Variants in TRPV3 observed in about 807,000 individuals in gnomAD.
TRPV3 encodes transient receptor potential cation channel subfamily V member 3.
Under a neutral mutation model 87.1 loss-of-function variants are expected in TRPV3, and 88 were observed. That is an observed-to-expected ratio of 1.01 (90% CI 0.85 to 1.21). The LOEUF is 1.21. TRPV3 is among the 50% of genes most tolerant of loss of function. The probability of loss-of-function intolerance (pLI) is 0.00; values close to 1 mark genes in which losing one functional copy is unlikely to be tolerated. For synonymous variants in TRPV3, 438 were observed against 423.3 expected (o/e 1.03, Z -0.43); for missense variants, 1,054 against 1,030.1 (o/e 1.02, Z -0.32).
rs548069319 is a variant in TRPV3, at chr17:3,549,014, C to T, written c.120-3743G>A. 2.8e-4 allele frequency among the ~76,000 whole-genome samples: 42 copies of T among 152,262 alleles called. 1 individual carries two copies. In the South Asian group the frequency reaches 8.7e-3, roughly 32 times the overall value. ...CACTTCCCTGCGGCCCTGCAGTGCC[C>T]CAGAACTTTTGCCCTAAAGTAGTCG... On this transcript the variant is annotated intron_variant, in intron 2 of 17. Coordinates refer to ENST00000576742, the MANE Select transcript of TRPV3 (RefSeq NM_145068.4).
At chr17:3,533,705 G>C (rs986282874) in intron 7 of TRPV3, among the ~76,000 whole-genome samples, 5 of 152,100 alleles carry the variant, frequency 3.3e-5, no homozygotes, top group African/African-American at 1.2e-4. Flanking sequence ...CCCCATGTTG[G>C]CCAGGATGGT....
Position 3,524,189 on chromosome 17 carries a change from T to G in TRPV3, c.1743+9A>C. ...GAGGGCCCTCCCGCCGGCGCAGCTC[T>G]CAACGCACCTTCTGGATCATGACGC... On this transcript the variant is annotated intron_variant, in intron 13 of 17. Coordinates refer to ENST00000576742, the MANE Select transcript of TRPV3 (RefSeq NM_145068.4). The G allele has an allele frequency of 6.2e-7, 1 of 1,613,586 alleles. No homozygotes were observed.
Position 3,542,590 on chromosome 17 carries a change from G to A in TRPV3, c.575C>T (p.Ala192Val). 1 of 1,613,984 alleles carries A rather than the reference G, an allele frequency of 6.2e-7. No individual in the cohort carries two copies. The highest frequency in any genetic ancestry group is 1.1e-5 in the South Asian group (1 of 91,076). ...NTKEIVRILL[A>V]FAEENDILGR... ...CAGGATGTCGTTCTCTTCAGCAAAG[G>A]CAAGCAGGATCCGCACTATCTCCTT... Residue 192 changes from alanine to valine, a missense_variant, in exon 6 of 18, where the codon GCC becomes GTC. Transcript: ENST00000576742.
intron 7 of TRPV3, among the ~76,000 whole-genome samples, chr17:3,533,967 G>A (rs1317287396): frequency 2.0e-5 from 3 of 152,168 alleles, no homozygotes; most frequent in African/African-American, 7.2e-5. Context: ...AGTGCCTGAT[G>A]TAGACAGTAA....
intron 16 of TRPV3, among the ~76,000 whole-genome samples, chr17:3,515,321 G>C (rs761132212): frequency 3.9e-5 from 6 of 152,148 alleles, no homozygotes; most frequent in Non-Finnish European, 8.8e-5. Flanking sequence ...TGGTCTGTAG[G>C]CTCAGGCAGT....
At position 3,512,115 on chromosome 17, in the gene TRPV3, A is replaced by C. The variant is rs1338539256; in HGVS notation, c.*1802T>G. On this transcript the variant is annotated 3_prime_UTR_variant, in exon 18 of 18. Coordinates refer to ENST00000576742, the MANE Select transcript of TRPV3 (RefSeq NM_145068.4). ...CTTAAACATCTCCAACATCTGGAGC[A>C]GTTGCTGGATTCTGTTGAGCCAAAA... is the stretch of plus-strand genomic sequence containing the variant. 6.6e-6 allele frequency: 1 copy of C among 152,240 alleles called. No homozygotes were observed. The highest frequency in any genetic ancestry group is 2.4e-5 in the African/African-American group (1 of 41,460). 9.4% of individuals were successfully genotyped at this position (152,240 alleles called of 1,614,324 possible).
intron 8 of TRPV3, 81 bp downstream of exon 8, chr17:3,532,576 T>G (rs1001131373): frequency 4.0e-6 from 6 of 1,517,274 alleles, no homozygotes; most frequent in Non-Finnish European, 5.4e-6. Flanking sequence ...GAATCCCCAG[T>G]AAGGCCCCCG....
intron 6 of TRPV3, among the ~76,000 whole-genome samples, chr17:3,537,846 C>T (rs1006262542): frequency 2.8e-5 from 4 of 144,810 alleles, no homozygotes; most frequent in Non-Finnish European, 3.0e-5. Context: ...GCAGAGATCG[C>T]GCCACTGTAC....
Position 3,510,505 on chromosome 17 carries a change from C to T in TRPV3, c.*3412G>A, listed in dbSNP as rs1041158535. ...ACGCAAGGATAAAACGTGGCCATAACGAGGCAAAACAAATATTTATTAGAA... is the reference window on the plus strand; with the variant it reads ...ACGCAAGGATAAAACGTGGCCATAATGAGGCAAAACAAATATTTATTAGAA... On this transcript the variant is annotated 3_prime_UTR_variant, in exon 18 of 18. Coordinates refer to ENST00000576742, the MANE Select transcript of TRPV3 (RefSeq NM_145068.4). 6.6e-6 allele frequency: 1 copy of T among 152,156 alleles called. No homozygotes were observed. The highest frequency in any genetic ancestry group is 2.4e-5 in the African/African-American group (1 of 41,438). 9.4% of individuals were successfully genotyped at this position (152,156 alleles called of 1,614,324 possible).
intron 7 of TRPV3, among the ~76,000 whole-genome samples, chr17:3,533,671 G>A (rs1336176748): frequency 6.6e-6 from 1 of 152,000 alleles, no homozygotes; most frequent in African/African-American, 2.4e-5. Flanking sequence ...GCTAATTTTT[G>A]TATTTTTAGT....
rs1597464921 is a variant in TRPV3 at position 3,516,651 on chromosome 17, C to G, written c.2086-82G>C. The G allele has an allele frequency of 1.8e-5, 17 of 959,054 alleles. 2 individuals carry two copies. The highest frequency in any genetic ancestry group is 1.6e-4 in the South Asian group (12 of 75,576). The allele number at this position is 959,054 out of a possible 1,614,324, so 59.4% of individuals were successfully genotyped here. On this transcript the variant is annotated intron_variant, in intron 15 of 17. Coordinates refer to ENST00000576742, the MANE Select transcript of TRPV3 (RefSeq NM_145068.4). The stretch of plus-strand genomic sequence containing the variant: ...GGCACACACACTGTCGGGGAGCCCA[C>G]TCCACCCTCACCTCATGCTTAATGC...
At chr17:3,548,414 A>G (rs539596687) in intron 2 of TRPV3, among the ~76,000 whole-genome samples, 18 of 152,326 alleles carry the variant, frequency 1.2e-4, no homozygotes, top group African/African-American at 4.3e-4. Flanking sequence ...ACTGCAATCC[A>G]TGCTTCTTTG....
chr17:3,543,083 C>G (rs745432480), intron 5 of TRPV3, among the ~76,000 whole-genome samples: 1 of 151,976 alleles, frequency 6.6e-6, no homozygotes, highest in Non-Finnish European at 1.5e-5. Flanking sequence ...CAGGGCTCCA[C>G]CAGCCACCAA....
In TRPV3 at chr17:3,530,154, C is replaced by A; in HGVS notation, c.1115G>T (p.Ser372Ile). 1 of 1,614,058 alleles carries A rather than the reference C, an allele frequency of 6.2e-7. No individual in the cohort carries two copies. The highest frequency in any genetic ancestry group is 8.5e-7 in the Non-Finnish European group (1 of 1,179,972). Reference protein sequence around the residue: ...SREIKEKRLRSLSRKFTDWAY... With the variant: ...SREIKEKRLRILSRKFTDWAY... ...CCAGTCGGTGAACTTCCTGGACAGG[C>A]TCCGGAGCCGCTTCTCCTTGATCTC... The change falls in exon 9 of 18, where the codon AGC becomes ATC. Residue 372 changes from serine to isoleucine, a missense_variant. Transcript: ENST00000576742. This position sits in a 1 kb window ranked among gnomAD's most constrained non-coding sequence, Gnocchi z 4.0.
chr17:3,550,636 T>C (rs2074565527), intron 2 of TRPV3, among the ~76,000 whole-genome samples: 1 of 147,262 alleles, frequency 6.8e-6, no homozygotes, highest in Non-Finnish European at 1.5e-5. Context: ...GCCATTCTCC[T>C]GCCTCAGCCT....
intron 15 of TRPV3, among the ~76,000 whole-genome samples, chr17:3,517,240 C>T (rs1427123112): frequency 6.7e-6 from 1 of 148,768 alleles, no homozygotes; most frequent in African/African-American, 2.4e-5. Flanking sequence ...TCATTTGTCC[C>T]ACCCCCTCCC....
chr17:3,516,260 T>C (rs550707180), intron 16 of TRPV3, among the ~76,000 whole-genome samples, 197 bp downstream of exon 16: 4 of 152,234 alleles, frequency 2.6e-5, no homozygotes, highest in African/African-American at 9.6e-5. Flanking sequence ...CTTTCTCTTC[T>C]GAAGCTCAGG....
intron 7 of TRPV3, among the ~76,000 whole-genome samples, chr17:3,534,570 G>A (rs986942787): frequency 9.2e-5 from 14 of 152,048 alleles, no homozygotes; most frequent in African/African-American, 2.4e-4. Flanking sequence ...GAACCAACTC[G>A]ACGCACTGTG....
intron 2 of TRPV3, among the ~76,000 whole-genome samples, chr17:3,548,430 G>A (rs944042296): frequency 6.6e-6 from 1 of 152,280 alleles, no homozygotes; most frequent in East Asian, 1.9e-4. Flanking sequence ...CTTTGCTCTC[G>A]CCTTAGCAAT....
Sources: allele counts gnomAD v4.1 joint callset (sites outside exome capture counted in the v4.1 genomes callset), GRCh38; gene constraint gnomAD v4.1.1; non-coding constraint Gnocchi (gnomAD v3.1); transcripts MANE v1.5; gene names NCBI Gene and HGNC (gene_info 2026-07-23, HGNC 2026-07-21).